SLC41A1: variants seen among roughly 807,000 people sequenced by gnomAD.
The protein encoded by SLC41A1 is solute carrier family 41 (magnesium transporter), member 1.
SLC41A1 carries 20 observed loss-of-function variants against 47.3 expected under a neutral mutation model. The ratio of observed to expected loss-of-function variants is 0.42; its 90% confidence interval spans 0.30 to 0.61. SLC41A1 has a LOEUF of 0.61. SLC41A1 is among the 20% of genes least tolerant of loss of function. The pLI, the probability that SLC41A1 is intolerant of heterozygous loss-of-function variation, is 0.17. For synonymous variants in SLC41A1, 282 were observed against 272.7 expected, an observed-to-expected ratio of 1.03 and a Z score of -0.34; for missense variants, 504 against 674.1, an observed-to-expected ratio of 0.75 and a Z score of 2.79.
intron 2 of SLC41A1, among the ~76,000 whole-genome samples, chr1:205,809,349 T>G (rs1257673142): frequency 1.3e-5 from 2 of 152,160 alleles, no homozygotes; most frequent in African/African-American, 4.8e-5. Flanking sequence ...AAAAGAACCC[T>G]CTTTGCCCAG....
intron 9 of SLC41A1, 36 bp downstream of exon 9, chr1:205,795,307 TC>T (rs756920489): frequency 6.2e-7 from 1 of 1,613,638 alleles, no homozygotes; most frequent in Non-Finnish European, 8.5e-7. Context: ...GTAGGCCCAC[TC>T]CCCCCAGGGC....
rs1655633924 is a variant in SLC41A1 at position 205,791,762 on chromosome 1, CA to C, written c.1357-45del. 1 of 1,604,200 alleles carries C rather than the reference CA, an allele frequency of 6.2e-7. No individual in the cohort carries two copies. The highest frequency in any genetic ancestry group is 8.5e-7 in the Non-Finnish European group (1 of 1,176,122). On this transcript the variant is annotated intron_variant, in intron 10 of 10. Coordinates refer to ENST00000367137, the MANE Select transcript of SLC41A1 (RefSeq NM_173854.6). The surrounding 1 kb of genome is among the most constrained non-coding windows in gnomAD (Gnocchi z 4.0). The stretch of plus-strand genomic sequence containing the variant: ...CCAGCCTATAGCCATCCTCTCTCTC[CA>C]GGGGGAGCCAGAGGCCACATGATCA...
rs1655803256 is a variant in SLC41A1, at chr1:205,798,723, G to T, written c.790C>A (p.Leu264Ile). The T allele has an allele frequency of 1.2e-6, 2 of 1,614,178 alleles. No homozygotes were observed. The highest frequency in any genetic ancestry group is 4.5e-5 in the East Asian group (2 of 44,872). Residue 264 changes from leucine (L) to isoleucine (I), a missense_variant, in exon 6 of 11, where the codon CTC becomes ATC. Transcript: ENST00000367137. ...ATPIAASLGD[L>I]ITLALLSGIS... Reference sequence around the variant, plus strand: ...CCTGAGAGCAGCGCCAAGGTGATGAGGTCGCCCAGGCTGGCAGCAATGGGT... The same window carrying T: ...CCTGAGAGCAGCGCCAAGGTGATGATGTCGCCCAGGCTGGCAGCAATGGGT...
At chr1:205,792,127 G>C (rs1468562040) in intron 10 of SLC41A1, among the ~76,000 whole-genome samples, 1 of 152,208 alleles carries the variant, frequency 6.6e-6, no homozygotes. Flanking sequence ...GAGCATGGCA[G>C]GGGGCTGGCT....
At chr1:205,809,971 G>T in intron 2 of SLC41A1, 99 bp downstream of exon 2, 1 of 1,537,240 alleles carries the variant, frequency 6.5e-7, no homozygotes, top group Non-Finnish European at 8.9e-7. Flanking sequence ...GGAAGCAGCA[G>T]CCACTTCTGA....
chr1:205,810,607 C>G lies in SLC41A1; in HGVS notation c.-166G>C. ...CCTACCAGGCACTGCAAAAACTGAT[C>G]CACCAACAGGCAGCCCCATCAAGCA... On this transcript the variant is annotated 5_prime_UTR_variant, in exon 2 of 11. Transcript: ENST00000367137. The surrounding 1 kb of genome is among the most constrained non-coding windows in gnomAD (Gnocchi z 5.5). 9.9e-7 allele frequency: 1 copy of G among 1,006,240 alleles called. No individual in the cohort carries two copies. Among genetic ancestry groups the G allele is most frequent in the Non-Finnish European group, 1.5e-6 (1 of 683,354 alleles). The allele number at this position is 1,006,240 out of a possible 1,614,324, so 62.3% of individuals were successfully genotyped here.
At chr1:205,805,540 TG>T (rs915050068) in intron 2 of SLC41A1, among the ~76,000 whole-genome samples, 2 of 152,188 alleles carry the variant, frequency 1.3e-5, no homozygotes, top group Non-Finnish European at 1.5e-5. Context: ...CACGCCTTCC[TG>T]CTCTGATGGG....
intron 2 of SLC41A1, among the ~76,000 whole-genome samples, chr1:205,802,009 T>C (rs1655892363): frequency 6.6e-6 from 1 of 152,234 alleles, no homozygotes; most frequent in Non-Finnish European, 1.5e-5. Context: ...ATTTGAAAGC[T>C]ACTTTACTTG....
chr1:205,803,070 G>A (rs1435525812), intron 2 of SLC41A1, among the ~76,000 whole-genome samples: 4 of 152,186 alleles, frequency 2.6e-5, no homozygotes, highest in Admixed American at 2.6e-4. Context: ...TGGGGAGGCT[G>A]AGGCAGAAGA....
At position 205,811,101 on chromosome 1, in the gene SLC41A1, G is replaced by A. The variant is rs906018256; in HGVS notation, c.-646-14C>T. On this transcript the variant is annotated splice_polypyrimidine_tract_variant and intron_variant, in intron 1 of 10. Coordinates refer to ENST00000367137, the MANE Select transcript of SLC41A1 (RefSeq NM_173854.6). ...AGTGTGGAACACCTTATGTGGGAAGGAGAAAGAAAAGAAAAAGAACATTAC... is the reference window on the plus strand; with the variant it reads ...AGTGTGGAACACCTTATGTGGGAAGAAGAAAGAAAAGAAAAAGAACATTAC... 6.5e-6 allele frequency: 1 copy of A among 153,764 alleles called. No homozygotes were observed. The highest frequency in any genetic ancestry group is 1.4e-5 in the Non-Finnish European group (1 of 69,196). The allele number at this position is 153,764 out of a possible 1,614,324, so 9.5% of individuals were successfully genotyped here.
chr1:205,795,993 G>A (rs190388208), intron 8 of SLC41A1: 336 of 230,754 alleles, frequency 1.5e-3, no homozygotes, highest in African/African-American at 7.3e-3. Context: ...TGGTATCTCC[G>A]CCAGGACCTG....
chr1:205,794,443 T>C (rs112361048), intron 10 of SLC41A1, among the ~76,000 whole-genome samples: 2,314 of 152,296 alleles, frequency 0.015, 46 homozygotes, highest in African/African-American at 0.05. Flanking sequence ...GATTATCTAG[T>C]GCAGTGGTTT....
In SLC41A1 at chr1:205,810,451, G is replaced by A. The variant is rs201968897; in HGVS notation, c.-10C>T. 27 of 1,614,068 alleles carry A rather than the reference G, an allele frequency of 1.7e-5. No individual in the cohort carries two copies. The highest frequency in any genetic ancestry group is 2.2e-5 in the Non-Finnish European group (26 of 1,180,046). On this transcript the variant is annotated 5_prime_UTR_variant, in exon 2 of 11. Transcript: ENST00000367137. The surrounding 1 kb of genome is among the most constrained non-coding windows in gnomAD (Gnocchi z 5.5). ...CTGGCTTAGAGGACATGACAGGCACGGAGGAGGGGAAGGGAGAACTTTCCT... is the reference window on the plus strand; with the variant it reads ...CTGGCTTAGAGGACATGACAGGCACAGAGGAGGGGAAGGGAGAACTTTCCT...
chr1:205,801,205 T>C (rs900006739), intron 2 of SLC41A1, 145 bp from the exon 3 acceptor site: 21 of 678,268 alleles, frequency 3.1e-5, no homozygotes, highest in African/African-American at 2.1e-4. Context: ...TCCAAGAACC[T>C]TGGAACCAAA....
Position 205,791,837 on chromosome 1 carries a change from T to C in SLC41A1, c.1357-119A>G, listed in dbSNP as rs1048907860. The C allele has an allele frequency of 7.7e-7, 1 of 1,292,872 alleles. No individual in the cohort carries two copies. The highest frequency in any genetic ancestry group is 1.1e-6 in the Non-Finnish European group (1 of 915,780). The allele number at this position is 1,292,872 out of a possible 1,614,324, so 80.1% of individuals were successfully genotyped here. A position where few individuals can be genotyped will look rare whatever the true frequency, so the allele number is the denominator to read the frequency against. On this transcript the variant is annotated intron_variant, in intron 10 of 10. Coordinates refer to ENST00000367137, the MANE Select transcript of SLC41A1 (RefSeq NM_173854.6). This position sits in a 1 kb window ranked among gnomAD's most constrained non-coding sequence, Gnocchi z 4.0. Reference sequence around the variant, plus strand: ...CTTGGCTGGCCATAATCCTTACTTTTTAATCTTCCTCTTTCCACCCCAGCA... The same window carrying C: ...CTTGGCTGGCCATAATCCTTACTTTCTAATCTTCCTCTTTCCACCCCAGCA...
intron 8 of SLC41A1, 74 bp downstream of exon 8, chr1:205,796,850 C>A: frequency 1.4e-6 from 2 of 1,466,006 alleles, no homozygotes; most frequent in East Asian, 2.4e-5. Context: ...CAGAAACCAA[C>A]CCCTTAAGTC....
intron 2 of SLC41A1, among the ~76,000 whole-genome samples, chr1:205,802,943 T>C (rs575511630): frequency 6.6e-6 from 1 of 151,996 alleles, no homozygotes; most frequent in South Asian, 2.1e-4. Context: ...CCAAGGAAAG[T>C]GGATCACTTG....
chr1:205,795,433 G>C lies in SLC41A1; in HGVS notation c.1118C>G (p.Thr373Ser). 1 of 1,614,232 alleles carries C rather than the reference G, an allele frequency of 6.2e-7. No individual in the cohort carries two copies. The highest frequency in any genetic ancestry group is 1.3e-5 in the African/African-American group (1 of 75,052). The change falls in exon 9 of 11, where the codon ACC (threonine) becomes AGC (serine). Residue 373 changes from threonine (T) to serine (S), a missense_variant. Physicochemically the swap from Thr to Ser is moderately conservative, Grantham distance 58. This residue lies in a region of SLC41A1 where 421 missense variants were observed against 601.6 expected (regional missense o/e 0.70). Transcript: ENST00000367137. The part of the protein sequence containing the change: ...LVAVQASRIS[T>S]FLHMNGMPGE... ...GGGCATTCCATTCATGTGCAGGAAGGTGGAGATGCGGCTGGCCTGCACTGC... is the reference window on the plus strand; with the variant it reads ...GGGCATTCCATTCATGTGCAGGAAGCTGGAGATGCGGCTGGCCTGCACTGC...
intron 6 of SLC41A1, 77 bp from the exon 7 acceptor site, chr1:205,798,128 T>C: frequency 2.5e-6 from 4 of 1,597,236 alleles, no homozygotes; most frequent in Non-Finnish European, 3.4e-6. Context: ...AGCCTGAAAA[T>C]GTCCCAACAG....
Sources: allele counts gnomAD v4.1 joint callset (sites outside exome capture counted in the v4.1 genomes callset), GRCh38; gene constraint gnomAD v4.1.1; regional missense constraint gnomAD v4.1.1; non-coding constraint Gnocchi (gnomAD v3.1); transcripts MANE v1.5; gene names NCBI Gene and HGNC (gene_info 2026-07-23, HGNC 2026-07-21).